CHST15: variants seen among roughly 807,000 people sequenced by gnomAD.
CHST15 encodes carbohydrate sulfotransferase 15, also known as B cell RAG associated protein (GALNAC4S-6ST).
CHST15 carries 30 observed loss-of-function variants against 53.6 expected under a neutral mutation model. The ratio of observed to expected loss-of-function variants is 0.56; its 90% confidence interval spans 0.42 to 0.76. The LOEUF (loss-of-function observed/expected upper bound fraction) is 0.76, where lower values mean the gene tolerates loss of function less well. Among genes scored for constraint, CHST15 ranks in the 30% least tolerant of loss-of-function variants. The pLI is 0.00. For synonymous variants in CHST15, 296 were observed against 289.8 expected, an observed-to-expected ratio of 1.02 and a Z score of -0.22; for missense variants, 627 against 740.5, an observed-to-expected ratio of 0.85 and a Z score of 1.78.
intron 5 of CHST15, among the ~76,000 whole-genome samples, chr10:124,022,503 A>C (rs1240613021): frequency 1.3e-5 from 2 of 152,226 alleles, no homozygotes; most frequent in East Asian, 3.8e-4. Flanking sequence ...CAGGAATGGG[A>C]TGCTGCCCTG....
At chr10:124,014,027 C>T (rs1946504745) in intron 6 of CHST15, among the ~76,000 whole-genome samples, 2 of 152,264 alleles carry the variant, frequency 1.3e-5, no homozygotes, top group Non-Finnish European at 2.9e-5. Flanking sequence ...CTGCTTAAAG[C>T]CTCCATGGCT....
intron 1 of CHST15, among the ~76,000 whole-genome samples, chr10:124,068,068 G>A (rs1407881774): frequency 6.6e-6 from 1 of 152,194 alleles, no homozygotes; most frequent in Non-Finnish European, 1.5e-5. Context: ...CTTAATTAGT[G>A]AAATAACTGA....
intron 6 of CHST15, among the ~76,000 whole-genome samples, chr10:124,014,885 C>T (rs1366089929): frequency 6.6e-6 from 1 of 152,220 alleles, no homozygotes; most frequent in Non-Finnish European, 1.5e-5. Context: ...TGTGCTGTCT[C>T]AGGTGGACAC....
rs192746879 is a variant in CHST15 at position 124,032,198 on chromosome 10, A to G, written c.1190+6317T>C. Among the ~76,000 whole-genome samples the G allele has an allele frequency of 1.7e-4, 26 of 152,376 alleles. 1 individual carries two copies. Among genetic ancestry groups the G allele is most frequent in the African/African-American group, 6.3e-4 (26 of 41,594 alleles). ...AAGCAGATGAAGAAAAGAACTAGCC[A>G]GGTTCCAAGACTCCAGGGGTTTGGG... is the stretch of plus-strand genomic sequence containing the variant. On this transcript the variant is annotated intron_variant, in intron 5 of 7. Coordinates refer to ENST00000435907, the MANE Select transcript of CHST15 (RefSeq NM_001270764.2).
chr10:124,020,728 A>G, intron 6 of CHST15: 1 of 1,016,296 alleles, frequency 9.8e-7, no homozygotes. Context: ...GAATTCACCA[A>G]TAACAGCTTT....
chr10:124,069,937 T>C (rs924691313), intron 1 of CHST15, among the ~76,000 whole-genome samples: 1 of 152,146 alleles, frequency 6.6e-6, no homozygotes, highest in Non-Finnish European at 1.5e-5. Flanking sequence ...GAATCTAAGG[T>C]GTCACTGTGC....
chr10:124,045,660 T>TA lies in CHST15; in HGVS notation c.546+6dup. 6.4e-7 allele frequency: 1 copy of TA among 1,574,748 alleles called. No homozygotes were observed. The highest frequency in any genetic ancestry group is 8.6e-7 in the Non-Finnish European group (1 of 1,160,888). On this transcript the variant is annotated splice_region_variant and intron_variant, in intron 2 of 7. Transcript: ENST00000435907. Reference sequence around the variant, plus strand: ...CAATCAGTCAAGATTAGCACAAAGCTACTCACATGCAACTCCTGCTTCTTA... The same window carrying TA: ...CAATCAGTCAAGATTAGCACAAAGCTAACTCACATGCAACTCCTGCTTCTTA...
At chr10:124,011,152 G>T in intron 7 of CHST15, 1 of 933,592 alleles carries the variant, frequency 1.1e-6, no homozygotes, top group Non-Finnish European at 1.3e-6. Flanking sequence ...CGACCCCAAC[G>T]CCCCGCCCTC....
intron 1 of CHST15, among the ~76,000 whole-genome samples, chr10:124,069,425 A>G (rs1315117505): frequency 6.6e-6 from 1 of 152,182 alleles, no homozygotes; most frequent in Non-Finnish European, 1.5e-5. Flanking sequence ...AGGCACCATG[A>G]ACAGAGTAAC....
At position 124,008,168 on chromosome 10, in the gene CHST15, T is replaced by C; in HGVS notation, c.*1981A>G. 8.1e-7 allele frequency: 1 copy of C among 1,230,602 alleles called. No homozygotes were observed. Among genetic ancestry groups the C allele is most frequent in the Non-Finnish European group, 1.0e-6 (1 of 987,504 alleles). The allele number at this position is 1,230,602 out of a possible 1,614,324, so 76.2% of individuals were successfully genotyped here. On this transcript the variant is annotated 3_prime_UTR_variant, in exon 8 of 8. Transcript: ENST00000435907. ...TGTTATTCACATGCATAGGAGTGCA[T>C]AAGAAAAATCCCTTGTTGTAATTAT...
At chr10:124,026,797 G>T (rs1191633469) in intron 5 of CHST15, among the ~76,000 whole-genome samples, 1 of 152,192 alleles carries the variant, frequency 6.6e-6, no homozygotes, top group Admixed American at 6.5e-5. Flanking sequence ...CAGCAGGAAG[G>T]AGCCCAGTCC....
rs554612814 is a variant in CHST15, at chr10:124,036,924, G to A, written c.1190+1591C>T. Reference sequence around the variant, plus strand: ...ACAAATCACCACGAACTCGTGGTGCGTAATGACAGGACTTTCTTCCCTCAG... The same window carrying A: ...ACAAATCACCACGAACTCGTGGTGCATAATGACAGGACTTTCTTCCCTCAG... On this transcript the variant is annotated intron_variant, in intron 5 of 7. Transcript: ENST00000435907. This position sits in a 1 kb window ranked among gnomAD's most constrained non-coding sequence, Gnocchi z 5.1. Among the ~76,000 whole-genome samples, 4 of 152,280 alleles carry A rather than the reference G, an allele frequency of 2.6e-5. No individual in the cohort carries two copies. Among genetic ancestry groups the A allele is most frequent in the Non-Finnish European group, 5.9e-5 (4 of 68,024 alleles).
intron 1 of CHST15, among the ~76,000 whole-genome samples, chr10:124,048,950 G>A (rs779846390): frequency 3.9e-5 from 6 of 152,122 alleles, no homozygotes; most frequent in Non-Finnish European, 7.4e-5. Flanking sequence ...TGGGGTGCCC[G>A]GACCGGGTCC....
Position 124,024,535 on chromosome 10 carries a change from C to T in CHST15, c.1191-3123G>A, listed in dbSNP as rs1418281136. 7.2e-5 allele frequency among the ~76,000 whole-genome samples: 11 copies of T among 151,818 alleles called. No individual in the cohort carries two copies. Among genetic ancestry groups the T allele is most frequent in the Non-Finnish European group, 1.3e-4 (9 of 67,948 alleles). ...CAAAGAGACAGTCAGCAAAGGGGCTCGGTGGCCACTGAGTAGATTTCCCCA... is the reference window on the plus strand; with the variant it reads ...CAAAGAGACAGTCAGCAAAGGGGCTTGGTGGCCACTGAGTAGATTTCCCCA... On this transcript the variant is annotated intron_variant, in intron 5 of 7. Coordinates refer to ENST00000435907, the MANE Select transcript of CHST15 (RefSeq NM_001270764.2). This position sits in a 1 kb window ranked among gnomAD's most constrained non-coding sequence, Gnocchi z 4.0.
intron 1 of CHST15, among the ~76,000 whole-genome samples, chr10:124,091,164 C>A (rs1466218130): frequency 6.6e-6 from 1 of 152,226 alleles, no homozygotes; most frequent in Non-Finnish European, 1.5e-5. Flanking sequence ...TTTGCAAAAA[C>A]CTACCTACTT....
At chr10:124,021,150 T>C (rs1946763971) in intron 6 of CHST15, 106 bp downstream of exon 6, 1 of 1,540,482 alleles carries the variant, frequency 6.5e-7, no homozygotes. Flanking sequence ...CTTCTCTCTG[T>C]TCCTATGCTG....
At chr10:124,047,305 G>T (rs1948037405) in intron 1 of CHST15, among the ~76,000 whole-genome samples, 2 of 152,188 alleles carry the variant, frequency 1.3e-5, no homozygotes, top group Admixed American at 1.3e-4. Flanking sequence ...AATGAAATGA[G>T]TCTCTCCTTC....
intron 5 of CHST15, among the ~76,000 whole-genome samples, chr10:124,032,359 C>A (rs187340308): frequency 1.1e-4 from 16 of 152,252 alleles, no homozygotes; most frequent in Non-Finnish European, 1.9e-4. Flanking sequence ...CAGAATCAAA[C>A]CCCAAACATA....
At chr10:124,033,556 G>A (rs1285127823) in intron 5 of CHST15, among the ~76,000 whole-genome samples, 3 of 152,202 alleles carry the variant, frequency 2.0e-5, no homozygotes, top group Non-Finnish European at 4.4e-5. Context: ...TGGCAATGAC[G>A]ATGGGATTTC....
Sources: gnomAD v4.1 joint callset for allele counts (sites outside exome capture counted in the v4.1 genomes callset) on GRCh38, gnomAD v4.1.1 for gene constraint, Gnocchi (gnomAD v3.1) non-coding constraint, MANE v1.5 for transcripts, NCBI Gene and HGNC (gene_info 2026-07-23, HGNC 2026-07-21) for gene names.